Variants in CCNK observed in about 807,000 individuals in gnomAD.
CCNK encodes cyclin K.
CCNK carries 9 observed loss-of-function variants against 65.0 expected under a neutral mutation model. The observed-to-expected ratio is 0.14, with a 90% CI of 0.08 to 0.24. The LOEUF (loss-of-function observed/expected upper bound fraction) is 0.24, where lower values mean the gene tolerates loss of function less well. Among genes scored for constraint, CCNK ranks in the 10% least tolerant of loss-of-function variants. The pLI is 1.00. For synonymous variants in CCNK, 279 were observed against 270.8 expected, an observed-to-expected ratio of 1.03 and a Z score of -0.30; for missense variants, 474 against 720.0, an observed-to-expected ratio of 0.66 and a Z score of 3.91.
intron 8 of CCNK, 52 bp from the exon 9 acceptor site, chr14:99,503,559 C>G: frequency 5.4e-5 from 78 of 1,443,482 alleles, no homozygotes; most frequent in African/African-American, 7.1e-5. Context: ...CCATTTTTTT[C>G]TCATCATACT....
At position 99,496,258 on chromosome 14, in the gene CCNK, C is replaced by G. The variant is rs188730133; in HGVS notation, c.411+629C>G. Among the ~76,000 whole-genome samples the G allele has an allele frequency of 2.8e-3, 420 of 152,338 alleles. 1 individual carries two copies. Among genetic ancestry groups the G allele is most frequent in the African/African-American group, 9.4e-3 (390 of 41,574 alleles). On this transcript the variant is annotated intron_variant, in intron 4 of 10. Transcript: ENST00000389879. ...CATTCGCATCAAGTTCCCCTTGTTG[C>G]AACCTCAGTAACACCTGTTAATTAT...
intron 1 of CCNK, among the ~76,000 whole-genome samples, chr14:99,489,233 G>C (rs1896552046): frequency 1.3e-5 from 2 of 151,894 alleles, no homozygotes; most frequent in African/African-American, 4.8e-5. Context: ...GTGTGCATTT[G>C]TTTTCTTTGC....
rs577525538 is a variant in CCNK, at chr14:99,503,126, C to T, written c.1011+142C>T. ...CGAAACTCGCAGTCCGACTGCTTGT[C>T]GGTGGGGAGCCTGAAAACAAAGGTG... is the stretch of plus-strand genomic sequence containing the variant. On this transcript the variant is annotated intron_variant, in intron 8 of 10. Coordinates refer to ENST00000389879, the MANE Select transcript of CCNK (RefSeq NM_001099402.2). 33 of 957,250 alleles carry T rather than the reference C, an allele frequency of 3.4e-5. No homozygotes were observed. In the Admixed American group the frequency reaches 3.7e-4, roughly 11 times the overall value. 59.3% of individuals were successfully genotyped at this position (957,250 alleles called of 1,614,324 possible).
intron 1 of CCNK, among the ~76,000 whole-genome samples, chr14:99,486,361 G>A (rs995340551): frequency 1.3e-5 from 2 of 152,092 alleles, no homozygotes; most frequent in Non-Finnish European, 2.9e-5. Context: ...GCAAACGCTC[G>A]CCTTTGGTGA....
chr14:99,501,393 A>G lies in CCNK; in HGVS notation c.555A>G (p.Ala185=). ...KNKIQKLVQM[A]WTFVNDSLCT... Reference sequence around the variant, plus strand: ...AAATTCAAAAGTTGGTTCAAATGGCATGGACATTTGTAAATGACAGGTATA... The same window carrying G: ...AAATTCAAAAGTTGGTTCAAATGGCGTGGACATTTGTAAATGACAGGTATA... Residue 185 remains alanine, a synonymous_variant, in exon 6 of 11, where the codon GCA becomes GCG. Coordinates refer to ENST00000389879, the MANE Select transcript of CCNK (RefSeq NM_001099402.2). The G allele has an allele frequency of 1.2e-6, 2 of 1,605,416 alleles. No homozygotes were observed. Among genetic ancestry groups the G allele is most frequent in the Non-Finnish European group, 8.5e-7 (1 of 1,173,728 alleles).
intron 10 of CCNK, 30 bp from the exon 11 acceptor site, chr14:99,510,127 G>C (rs771078456): frequency 5.7e-6 from 9 of 1,574,828 alleles, no homozygotes; most frequent in Non-Finnish European, 7.7e-6. Context: ...GCTGGCGGAG[G>C]CCGGGCACTG....
At chr14:99,509,124 C>T (rs968283503) in intron 10 of CCNK, 6 of 152,204 alleles carry the variant, frequency 3.9e-5, no homozygotes, top group Non-Finnish European at 2.9e-5. Context: ...CCACGTCTAC[C>T]CAACCAGGAT....
Position 99,495,692 on chromosome 14 carries a change from C to G in CCNK, c.411+63C>G, listed in dbSNP as rs1251038095. ...TTCCTTATGGTAGTATTGTACAGTT[C>G]CACATGTTGACAGTGCCTGTAGCCC... On this transcript the variant is annotated intron_variant, in intron 4 of 10. Coordinates refer to ENST00000389879, the MANE Select transcript of CCNK (RefSeq NM_001099402.2). The G allele has an allele frequency of 2.1e-6, 3 of 1,442,938 alleles. No individual in the cohort carries two copies. The Admixed American group carries it at 6.9e-5, about 33-fold the overall frequency. The allele number at this position is 1,442,938 out of a possible 1,614,324, so 89.4% of individuals were successfully genotyped here.
At chr14:99,502,641 A>G in intron 7 of CCNK, 78 bp from the exon 8 acceptor site, 1 of 1,406,754 alleles carries the variant, frequency 7.1e-7, no homozygotes. Context: ...TAGGGGTATC[A>G]TAACTGATTC....
chr14:99,495,616 G>A lies in CCNK; in HGVS notation c.398G>A (p.Gly133Glu). The A allele has an allele frequency of 6.2e-7, 1 of 1,608,740 alleles. No individual in the cohort carries two copies. Among genetic ancestry groups the A allele is most frequent in the East Asian group, 2.2e-5 (1 of 44,718 alleles). The change falls in exon 4 of 11, where the codon GGA becomes GAA. Residue 133 changes from glycine to glutamate, a missense_variant. Coordinates refer to ENST00000389879, the MANE Select transcript of CCNK (RefSeq NM_001099402.2). ...LLNDVQFGQF[G>E]DDPKEEVMVL... ...AATGATGTACAATTTGGCCAGTTTGGAGATGACCCAAAGGTAAGAATGATA... is the reference window on the plus strand; with the variant it reads ...AATGATGTACAATTTGGCCAGTTTGAAGATGACCCAAAGGTAAGAATGATA...
At chr14:99,502,672 T>A (rs762627982) in intron 7 of CCNK, 47 bp from the exon 8 acceptor site, 2 of 1,574,036 alleles carry the variant, frequency 1.3e-6, no homozygotes, top group African/African-American at 2.7e-5. Context: ...TAAAATTTTA[T>A]TTAAAATACC....
At chr14:99,502,532 T>G (rs1375757182) in intron 7 of CCNK, 156 bp downstream of exon 7, 2 of 1,316,526 alleles carry the variant, frequency 1.5e-6, no homozygotes, top group Non-Finnish European at 2.0e-6. Flanking sequence ...GTTTCCACTT[T>G]GTCCAAACAC....
chr14:99,506,949 C>T, intron 9 of CCNK, 127 bp from the exon 10 acceptor site: 1 of 738,658 alleles, frequency 1.4e-6, no homozygotes, highest in Non-Finnish European at 2.5e-6. Flanking sequence ...CTTCAAGTTC[C>T]CTTAAAGCCT....
intron 9 of CCNK, chr14:99,504,998 G>A (rs1229167837): frequency 1.3e-5 from 2 of 152,254 alleles, no homozygotes; most frequent in Non-Finnish European, 2.9e-5. Context: ...GAAATGGAGA[G>A]GAGTCTTTCT....
Position 99,510,619 on chromosome 14 carries a change from C to T in CCNK, c.1580C>T (p.Thr527Ile). ...CCCCCACCCCCACGCCTCCCGCCTACCCACGCAGTCCCCCCTCATCCTCCT... is the reference window on the plus strand; with the variant it reads ...CCCCCACCCCCACGCCTCCCGCCTATCCACGCAGTCCCCCCTCATCCTCCT... The part of the protein sequence containing the change: ...FPPPPPRLPP[T>I]HAVPPHPPPG... The change falls in exon 11 of 11, where the codon ACC (threonine) becomes ATC (isoleucine). Residue 527 changes from threonine (T) to isoleucine (I), a missense_variant. Thr to Ile is a moderately conservative substitution (Grantham distance 89). This residue lies in a region of CCNK where 53 missense variants were observed against 91.4 expected (regional missense o/e 0.58). Coordinates refer to ENST00000389879, the MANE Select transcript of CCNK (RefSeq NM_001099402.2). 1 of 1,307,908 alleles carries T rather than the reference C, an allele frequency of 7.6e-7. No homozygotes were observed. Among genetic ancestry groups the T allele is most frequent in the Non-Finnish European group, 1.0e-6 (1 of 999,384 alleles). The allele number at this position is 1,307,908 out of a possible 1,614,324, so 81.0% of individuals were successfully genotyped here. A position where few individuals can be genotyped will look rare whatever the true frequency, so the allele number is the denominator to read the frequency against.
intron 1 of CCNK, among the ~76,000 whole-genome samples, chr14:99,491,349 A>G (rs1401764814): frequency 6.6e-6 from 1 of 152,170 alleles, no homozygotes; most frequent in Admixed American, 6.5e-5. Context: ...TTGTACTCCC[A>G]CCAGAAGCTT....
chr14:99,491,588 AC>A (rs142190462), intron 1 of CCNK, among the ~76,000 whole-genome samples: 75,550 of 151,732 alleles, frequency 0.5, 19,348 homozygotes, highest in Non-Finnish European at 0.58. Flanking sequence ...TTCTCCAGGT[AC>A]TTAATTCTTC....
In CCNK at chr14:99,510,665, A is replaced by G. The variant is rs910495218; in HGVS notation, c.1626A>G (p.Pro542=). 5.7e-5 allele frequency: 77 copies of G among 1,339,768 alleles called. No individual in the cohort carries two copies. The highest frequency in any genetic ancestry group is 6.5e-5 in the Non-Finnish European group (68 of 1,039,208). 83.0% of individuals were successfully genotyped at this position (1,339,768 alleles called of 1,614,324 possible). A position where few individuals can be genotyped will look rare whatever the true frequency, so the allele number is the denominator to read the frequency against. ...PHPPPGLGLP[P]ASYPPPAVPP... ...CTCCTCCAGGGTTGGGCCTGCCGCCAGCCAGCTACCCACCTCCTGCCGTCC... is the reference window on the plus strand; with the variant it reads ...CTCCTCCAGGGTTGGGCCTGCCGCCGGCCAGCTACCCACCTCCTGCCGTCC... The change falls in exon 11 of 11, where the codon CCA becomes CCG. Residue 542 remains proline (P), a synonymous_variant. Coordinates refer to ENST00000389879, the MANE Select transcript of CCNK (RefSeq NM_001099402.2).
intron 4 of CCNK, among the ~76,000 whole-genome samples, chr14:99,498,112 T>C (rs540924832): frequency 6.6e-6 from 1 of 152,316 alleles, no homozygotes; most frequent in Non-Finnish European, 1.5e-5. Context: ...CACACAGATC[T>C]GGGACCACAG....
Sources: gnomAD v4.1 joint callset for allele counts (sites outside exome capture counted in the v4.1 genomes callset) on GRCh38, gnomAD v4.1.1 for gene constraint, gnomAD v4.1.1 regional missense constraint, MANE v1.5 for transcripts, NCBI Gene and HGNC (gene_info 2026-07-23, HGNC 2026-07-21) for gene names.